TBC1D5: variants seen among roughly 807,000 people sequenced by gnomAD.
TBC1D5 encodes TBC1 domain family member 5.
A neutral mutation model predicts 100.3 loss-of-function variants in TBC1D5; 75 were observed. The ratio of observed to expected loss-of-function variants is 0.75; its 90% CI spans 0.62 to 0.91. The LOEUF (loss-of-function observed/expected upper bound fraction) is 0.91. Among genes scored for constraint, TBC1D5 ranks in the 40% least tolerant of loss-of-function variants. TBC1D5 has a pLI of 0.00. For synonymous variants in TBC1D5, 323 were observed against 325.6 expected (o/e 0.99, Z 0.09); for missense variants, 910 against 942.4 (o/e 0.97, Z 0.45).
chr3:17,607,020 A>T (rs1298768183), intron 2 of TBC1D5, among the ~76,000 whole-genome samples: 2 of 151,896 alleles, frequency 1.3e-5, no homozygotes, highest in African/African-American at 4.8e-5. Flanking sequence ...AACTAACCAG[A>T]TATATATATC....
chr3:17,511,035 A>G (rs2095899206), intron 2 of TBC1D5, among the ~76,000 whole-genome samples: 1 of 152,000 alleles, frequency 6.6e-6, no homozygotes, highest in Non-Finnish European at 1.5e-5. Flanking sequence ...CAGGTATAAA[A>G]AAAGGGGGTA....
intron 3 of TBC1D5, among the ~76,000 whole-genome samples, chr3:17,462,322 A>ACTT (rs2095227864): frequency 7.5e-6 from 1 of 132,662 alleles, no homozygotes; most frequent in African/African-American, 2.8e-5. Flanking sequence ...TCGGACCTTA[A>ACTT]TTTTTTTTTT....
chr3:17,517,367 A>T (rs559184754), intron 2 of TBC1D5, among the ~76,000 whole-genome samples: 3 of 152,248 alleles, frequency 2.0e-5, no homozygotes, highest in Non-Finnish European at 4.4e-5. Flanking sequence ...GAGAACTGTC[A>T]TAAGTCCTTG....
At chr3:17,375,455 T>TA (rs1037508008) in intron 10 of TBC1D5, among the ~76,000 whole-genome samples, 187 of 152,054 alleles carry the variant, frequency 1.2e-3, no homozygotes, top group Admixed American at 4.6e-3. Context: ...TAGTCTCAGC[T>TA]ACTCGGGAGT....
intron 13 of TBC1D5, among the ~76,000 whole-genome samples, chr3:17,311,875 A>G (rs990797340): frequency 1.2e-4 from 19 of 152,142 alleles, no homozygotes; most frequent in Non-Finnish European, 2.7e-4. Context: ...GCAATGTTAG[A>G]TTTTTGCTCA....
intron 1 of TBC1D5, among the ~76,000 whole-genome samples, chr3:17,668,463 C>G (rs896925796): frequency 1.3e-5 from 2 of 151,982 alleles, no homozygotes; most frequent in Non-Finnish European, 2.9e-5. Flanking sequence ...AGGTGTATAA[C>G]AAGCTATACA....
chr3:17,279,740 G>A (rs113138936), intron 15 of TBC1D5, among the ~76,000 whole-genome samples: 6 of 152,214 alleles, frequency 3.9e-5, no homozygotes, highest in African/African-American at 1.4e-4. Context: ...ACCAGTTTTG[G>A]AATAGAACAA....
intron 9 of TBC1D5, among the ~76,000 whole-genome samples, chr3:17,382,263 T>A (rs1268340623): frequency 1.3e-5 from 2 of 152,068 alleles, no homozygotes; most frequent in Non-Finnish European, 2.9e-5. Flanking sequence ...GTAAATTGTC[T>A]AAGATTGTGA....
intron 3 of TBC1D5, among the ~76,000 whole-genome samples, chr3:17,449,631 G>A (rs1381007051): frequency 2.6e-5 from 4 of 152,146 alleles, no homozygotes; most frequent in African/African-American, 9.7e-5. Context: ...AGTTCGAACT[G>A]GGAACCCACT....
chr3:17,529,270 A>C (rs921341673), intron 2 of TBC1D5, among the ~76,000 whole-genome samples: 2 of 152,196 alleles, frequency 1.3e-5, no homozygotes, highest in African/African-American at 4.8e-5. Context: ...TAAACTCTGC[A>C]AAACAGAAGT....
chr3:17,377,969 T>G (rs1575595751), intron 9 of TBC1D5, among the ~76,000 whole-genome samples: 1 of 151,930 alleles, frequency 6.6e-6, no homozygotes, highest in East Asian at 1.9e-4. Context: ...AAAATGACAT[T>G]AAGCATTACT....
chr3:17,564,903 C>CA lies in TBC1D5; in HGVS notation c.-35-56299dup, dbSNP rs2096584102. Among the ~76,000 whole-genome samples, 2 of 151,806 alleles carry CA rather than the reference C, an allele frequency of 1.3e-5. 1 individual carries two copies. The highest frequency in any genetic ancestry group is 1.3e-4 in the Admixed American group (2 of 15,240). Reference sequence around the variant, plus strand: ...AAAGAAGAAAAAAATAAAATGAGCCCAAAAATCAACATCATATATTCATTT... The same window carrying CA: ...AAAGAAGAAAAAAATAAAATGAGCCCAAAAAATCAACATCATATATTCATTT... On this transcript the variant is annotated intron_variant, in intron 2 of 21. Coordinates refer to ENST00000253692, the Ensembl canonical transcript of TBC1D5.
intron 8 of TBC1D5, among the ~76,000 whole-genome samples, chr3:17,385,892 T>C (rs2093132884): frequency 6.6e-6 from 1 of 152,020 alleles, no homozygotes; most frequent in East Asian, 1.9e-4. Flanking sequence ...AAAAGTAACC[T>C]GAAGAGTAAG....
intron 1 of TBC1D5, among the ~76,000 whole-genome samples, chr3:17,645,316 G>C (rs1441251337): frequency 2.0e-5 from 3 of 152,038 alleles, no homozygotes; most frequent in African/African-American, 7.2e-5. Context: ...CAAAGAACAG[G>C]CTATAGGCAA....
chr3:17,694,288 CA>C (rs1194527017), intron 1 of TBC1D5, among the ~76,000 whole-genome samples: 8 of 152,180 alleles, frequency 5.3e-5, no homozygotes, highest in Admixed American at 5.2e-4. Context: ...TCAGTAATAA[CA>C]AACTTTTCCG....
chr3:17,542,666 G>C (rs1035802810), intron 2 of TBC1D5, among the ~76,000 whole-genome samples: 2 of 152,170 alleles, frequency 1.3e-5, no homozygotes, highest in African/African-American at 2.4e-5. Context: ...TTTTTATTAA[G>C]AAATATTGTT....
At chr3:17,606,700 T>C (rs1309206741) in intron 2 of TBC1D5, among the ~76,000 whole-genome samples, 1 of 152,162 alleles carries the variant, frequency 6.6e-6, no homozygotes, top group Non-Finnish European at 1.5e-5. Context: ...ATTAAACCTT[T>C]ACAAGGTTCA....
intron 19 of TBC1D5, among the ~76,000 whole-genome samples, chr3:17,176,662 C>T (rs2067774278): frequency 6.6e-6 from 1 of 151,594 alleles, no homozygotes; most frequent in South Asian, 2.1e-4. Flanking sequence ...GGGTGAGGGG[C>T]TAGGGAAGGG....
intron 2 of TBC1D5, among the ~76,000 whole-genome samples, chr3:17,601,488 G>A (rs2060939631): frequency 6.6e-6 from 1 of 152,160 alleles, no homozygotes; most frequent in South Asian, 2.1e-4. Flanking sequence ...TCCAGCCTGG[G>A]CAACAAGAGC....
Sources: gnomAD v4.1 joint callset for allele counts (sites outside exome capture counted in the v4.1 genomes callset) on GRCh38, gnomAD v4.1.1 for gene constraint, MANE v1.5 for transcripts, NCBI Gene and HGNC (gene_info 2026-07-23, HGNC 2026-07-21) for gene names.